VKORC1L1: variants seen among roughly 807,000 people sequenced by gnomAD.
The protein encoded by VKORC1L1 is vitamin K epoxide reductase complex subunit 1L1.
In VKORC1L1, 2 loss-of-function variants were observed where a neutral mutation model predicts 18.9. The ratio of observed to expected loss-of-function variants is 0.11; its 90% CI spans 0.04 to 0.33. The LOEUF (loss-of-function observed/expected upper bound fraction) is 0.33. Among genes scored for constraint, VKORC1L1 ranks in the 10% least tolerant of loss-of-function variants. The pLI is 1.00. For synonymous variants in VKORC1L1, 96 were observed against 100.0 expected, an observed-to-expected ratio of 0.96 and a Z score of 0.24; for missense variants, 123 against 224.1, an observed-to-expected ratio of 0.55 and a Z score of 2.88.
At chr7:65,885,697 A>G (rs1227952467) in intron 1 of VKORC1L1, among the ~76,000 whole-genome samples, 1 of 152,070 alleles carries the variant, frequency 6.6e-6, no homozygotes, top group Non-Finnish European at 1.5e-5. Context: ...TTCTGCATAC[A>G]TAAGGCCTCT....
intron 1 of VKORC1L1, among the ~76,000 whole-genome samples, chr7:65,881,997 T>C (rs2116334350): frequency 6.6e-6 from 1 of 152,014 alleles, no homozygotes; most frequent in East Asian, 1.9e-4. Context: ...GGAGAATCAC[T>C]TGAACCTGGG....
At chr7:65,880,715 CTG>C (rs1317705591) in intron 1 of VKORC1L1, among the ~76,000 whole-genome samples, 4 of 152,112 alleles carry the variant, frequency 2.6e-5, no homozygotes, top group African/African-American at 4.8e-5. Flanking sequence ...GGGTAGCAAA[CTG>C]TGGTCATTTG....
Position 65,954,207 on chromosome 7 carries a change from C to T in VKORC1L1, c.438C>T (p.Tyr146=), listed in dbSNP as rs762011891. 6.4e-5 allele frequency: 104 copies of T among 1,613,964 alleles called. No homozygotes were observed. The highest frequency in any genetic ancestry group is 8.6e-5 in the Non-Finnish European group (101 of 1,180,022). The change falls in exon 3 of 3, where the codon TAC becomes TAT. Residue 146 remains tyrosine (Y), a synonymous_variant. Coordinates refer to ENST00000360768, the MANE Select transcript of VKORC1L1 (RefSeq NM_173517.6). ...KEFCIICIVT[Y]VLNFLLLIIN... ...TCTGCATCATCTGCATCGTCACGTA[C>T]GTGCTGAACTTCCTTCTTCTCATTA...
intron 1 of VKORC1L1, among the ~76,000 whole-genome samples, chr7:65,891,700 AT>A: frequency 6.6e-6 from 1 of 152,240 alleles, no homozygotes; most frequent in Middle Eastern, 3.4e-3. Context: ...AGCCATACAT[AT>A]TTATAGGGTA....
At chr7:65,872,802 A>C (rs1418114072), upstream of VKORC1L1, among the ~76,000 whole-genome samples, 2 of 152,070 alleles carry the variant, frequency 1.3e-5, no homozygotes, top group African/African-American at 4.8e-5. Flanking sequence ...AGAAATATAC[A>C]ACGAAAAAGG....
At chr7:65,909,798 A>G (rs973539561) in intron 1 of VKORC1L1, among the ~76,000 whole-genome samples, 1 of 146,450 alleles carries the variant, frequency 6.8e-6, no homozygotes, top group African/African-American at 2.6e-5. Context: ...GCTCACTGCA[A>G]CCTCTGCCAC....
intron 1 of VKORC1L1, among the ~76,000 whole-genome samples, chr7:65,910,112 A>G (rs549315246): frequency 2.6e-5 from 4 of 152,284 alleles, no homozygotes; most frequent in Admixed American, 1.3e-4. Context: ...CAAGTTGGCT[A>G]ACAAGTTCAC....
At chr7:65,884,285 A>G (rs1788977046) in intron 1 of VKORC1L1, among the ~76,000 whole-genome samples, 1 of 152,194 alleles carries the variant, frequency 6.6e-6, no homozygotes, top group African/African-American at 2.4e-5. Context: ...CTCATAAAAC[A>G]TAGTTACTGT....
In VKORC1L1 at chr7:65,873,347, AGGCGGC is replaced by A. The variant is rs750857985; in HGVS notation, c.-10_-5del. The A allele has an allele frequency of 2.3e-5, 34 of 1,451,126 alleles. No homozygotes were observed. The highest frequency in any genetic ancestry group is 2.6e-4 in the Middle Eastern group (1 of 3,894). The allele number at this position is 1,451,126 out of a possible 1,614,324, so 89.9% of individuals were successfully genotyped here. On this transcript the variant is annotated 5_prime_UTR_variant, in exon 1 of 3. Coordinates refer to ENST00000360768, the MANE Select transcript of VKORC1L1 (RefSeq NM_173517.6). Reference sequence around the variant, plus strand: ...CGGCGGCTGAGGTGGAGGCGGAGGGAGGCGGCGGCGGCGGCGGCGGGAAGATGGCGG... The same window carrying A: ...CGGCGGCTGAGGTGGAGGCGGAGGGAGGCGGCGGCGGCGGGAAGATGGCGG...
In VKORC1L1 at chr7:65,900,336, A is replaced by G. The variant is rs182886122; in HGVS notation, c.194+26771A>G. Among the ~76,000 whole-genome samples the G allele has an allele frequency of 1.6e-3, 243 of 151,414 alleles. 2 individuals are homozygous for G. Among genetic ancestry groups the G allele is most frequent in the Admixed American group, 4.5e-3 (69 of 15,226 alleles). On this transcript the variant is annotated intron_variant, in intron 1 of 2. Coordinates refer to ENST00000360768, the MANE Select transcript of VKORC1L1 (RefSeq NM_173517.6). ...ACCCGGGAGGGGAGGCGGAGCTTGC[A>G]GTGAGCTGAGATCATGCCACTGCAC...
At chr7:65,866,510 G>A in the VKORC1L1 span, among the ~76,000 whole-genome samples, 2 of 152,218 alleles carry the variant, frequency 1.3e-5, no homozygotes, top group Admixed American at 6.6e-5. Flanking sequence ...CCTTTAGAGA[G>A]GAAATCCTAA....
chr7:65,896,659 C>T (rs921466822), intron 1 of VKORC1L1, among the ~76,000 whole-genome samples: 1 of 148,168 alleles, frequency 6.7e-6, no homozygotes, highest in African/African-American at 2.5e-5. Context: ...CTTCATCATT[C>T]AACTTGAGCC....
intron 1 of VKORC1L1, among the ~76,000 whole-genome samples, chr7:65,934,233 T>TA (rs892934293): frequency 6.6e-5 from 10 of 151,524 alleles, no homozygotes; most frequent in East Asian, 5.8e-4. Context: ...CCCATCTCTT[T>TA]AAAAAAAAAT....
At chr7:65,953,951 C>T (rs1790251708) in intron 2 of VKORC1L1, 123 bp from the exon 3 acceptor site, 1 of 804,800 alleles carries the variant, frequency 1.2e-6, no homozygotes, top group East Asian at 2.6e-5. Context: ...TCTCAATTTT[C>T]AGAGTTGGCA....
chr7:65,917,509 A>G (rs889154705), intron 1 of VKORC1L1, among the ~76,000 whole-genome samples: 1 of 152,154 alleles, frequency 6.6e-6, no homozygotes, highest in Non-Finnish European at 1.5e-5. Flanking sequence ...GCCTTTGCTC[A>G]GCTACTTACT....
chr7:65,867,644 G>C, the VKORC1L1 span, among the ~76,000 whole-genome samples: 1 of 152,046 alleles, frequency 6.6e-6, no homozygotes, highest in African/African-American at 2.4e-5. Context: ...TCAAAATGTG[G>C]CCTCTCCCTG....
chr7:65,879,713 TTTCC>T (rs572355040), intron 1 of VKORC1L1, among the ~76,000 whole-genome samples: 261 of 152,050 alleles, frequency 1.7e-3, no homozygotes, highest in African/African-American at 4.5e-3. Flanking sequence ...CTCTCTTTCT[TTTCC>T]TTCCTTCTTT....
At chr7:65,924,354 T>C (rs1485955296) in intron 1 of VKORC1L1, among the ~76,000 whole-genome samples, 2 of 152,206 alleles carry the variant, frequency 1.3e-5, no homozygotes. Context: ...TCTGTTAATC[T>C]GGACGCTGAC....
Position 65,925,252 on chromosome 7 carries a change from CCTCA to C in VKORC1L1, c.195-23416_195-23413del, listed in dbSNP as rs537413223. Among the ~76,000 whole-genome samples the C allele has an allele frequency of 1.9e-3, 296 of 152,272 alleles. 1 individual carries two copies. The highest frequency in any genetic ancestry group is 3.5e-3 in the Non-Finnish European group (236 of 68,018). ...CCTGTGTTCTTTGTCCCTTGAATGG[CCTCA>C]CTATCTATTCAGTCATCCTGGAAAC... On this transcript the variant is annotated intron_variant, in intron 1 of 2. Transcript: ENST00000360768.
Sources: gnomAD v4.1 joint callset for allele counts (sites outside exome capture counted in the v4.1 genomes callset) on GRCh38, gnomAD v4.1.1 for gene constraint, MANE v1.5 for transcripts, NCBI Gene and HGNC (gene_info 2026-07-23, HGNC 2026-07-21) for gene names.